MED28: variants seen among roughly 807,000 people sequenced by gnomAD.
MED28 encodes mediator complex subunit 28.
Under a neutral mutation model 21.3 loss-of-function variants are expected in MED28, and 26 were observed. The ratio of observed to expected loss-of-function variants is 1.22; its 90% CI spans 0.89 to 1.69. The LOEUF (loss-of-function observed/expected upper bound fraction) is 1.69, where lower values mean the gene tolerates loss of function less well. Among genes scored for constraint, MED28 ranks in the 40% most tolerant of loss-of-function variants. The probability of loss-of-function intolerance (pLI) is 0.00; values close to 1 mark genes in which losing one functional copy is unlikely to be tolerated. For synonymous variants in MED28, 110 were observed against 87.6 expected (o/e 1.26, Z -1.43); for missense variants, 257 against 215.4 (o/e 1.19, Z -1.21).
chr4:17,616,735 T>C (rs1441585711), intron 1 of MED28, among the ~76,000 whole-genome samples: 2 of 152,182 alleles, frequency 1.3e-5, no homozygotes, highest in Admixed American at 6.5e-5. Context: ...ACTACCTGTT[T>C]TGTACCCCCA....
rs753695583 is a variant in MED28, at chr4:17,614,643, G to A, written c.-12G>A. On this transcript the variant is annotated 5_prime_UTR_variant, in exon 1 of 4. Transcript: ENST00000237380. ...CGCAGGCGCAGTGGATCTCTCTTGC[G>A]CCATTCCAAACATGGCGGCTCCACT... 1 of 1,604,610 alleles carries A rather than the reference G, an allele frequency of 6.2e-7. No individual in the cohort carries two copies. The highest frequency in any genetic ancestry group is 8.5e-7 in the Non-Finnish European group (1 of 1,176,122).
In MED28 at chr4:17,631,907, C is replaced by A. The variant is rs377546752; in HGVS notation, c.*8109C>A. 2.6e-5 allele frequency: 4 copies of A among 152,184 alleles called. No homozygotes were observed. Among genetic ancestry groups the A allele is most frequent in the African/African-American group, 9.6e-5 (4 of 41,500 alleles). 9.4% of individuals were successfully genotyped at this position (152,184 alleles called of 1,614,324 possible). The stretch of plus-strand genomic sequence containing the variant: ...AAGTACAACCACTTTTGAAATAGAT[C>A]ATGGAAATCACAAAGTCTGATGTTC... On this transcript the variant is annotated 3_prime_UTR_variant, in exon 4 of 4. Coordinates refer to ENST00000237380, the MANE Select transcript of MED28 (RefSeq NM_025205.5).
At chr4:17,615,524 C>T (rs1342548516) in intron 1 of MED28, among the ~76,000 whole-genome samples, 1 of 152,054 alleles carries the variant, frequency 6.6e-6, no homozygotes, top group African/African-American at 2.4e-5. Context: ...TTTTAAATCC[C>T]AGTTTTGCCG....
In MED28 at chr4:17,628,619, C is replaced by A. The variant is rs4698635; in HGVS notation, c.*4821C>A. ...GCTTTGGCTGAAGGCATTCACACCCCCCAGTGAATGTCTTGCACTTCTAAT... is the reference window on the plus strand; with the variant it reads ...GCTTTGGCTGAAGGCATTCACACCCACCAGTGAATGTCTTGCACTTCTAAT... On this transcript the variant is annotated 3_prime_UTR_variant, in exon 4 of 4. Coordinates refer to ENST00000237380, the MANE Select transcript of MED28 (RefSeq NM_025205.5). 0.58 allele frequency: 87,924 copies of A among 151,810 alleles called. 26,460 individuals are homozygous for A. The highest frequency in any genetic ancestry group is 0.88 in the East Asian group (4,522 of 5,142). 9.4% of individuals were successfully genotyped at this position (151,810 alleles called of 1,614,324 possible). A position where few individuals can be genotyped will look rare whatever the true frequency, so the allele number is the denominator to read the frequency against.
chr4:17,619,795 G>A, intron 1 of MED28, 106 bp from the exon 2 acceptor site: 1 of 910,280 alleles, frequency 1.1e-6, no homozygotes, highest in Non-Finnish European at 1.8e-6. Context: ...AAACACAGAT[G>A]CTGCCACCTC....
chr4:17,632,710 T>A lies in MED28; in HGVS notation c.*8912T>A. On this transcript the variant is annotated 3_prime_UTR_variant, in exon 4 of 4. Transcript: ENST00000237380. ...TACCCACCATCTTTTCAGGGAAAGA[T>A]AACTGCTTGTTTACTCTTCAAAAAC... The A allele has an allele frequency of 1.1e-6, 1 of 903,984 alleles. No homozygotes were observed. The highest frequency in any genetic ancestry group is 1.7e-6 in the Non-Finnish European group (1 of 582,502). 56.0% of individuals were successfully genotyped at this position (903,984 alleles called of 1,614,324 possible). A position where few individuals can be genotyped will look rare whatever the true frequency, so the allele number is the denominator to read the frequency against.
rs1456725179 is a variant in MED28 at position 17,630,488 on chromosome 4, C to T, written c.*6690C>T. 1.3e-5 allele frequency: 2 copies of T among 152,276 alleles called. No individual in the cohort carries two copies. The highest frequency in any genetic ancestry group is 3.9e-4 in the East Asian group (2 of 5,182). 9.4% of individuals were successfully genotyped at this position (152,276 alleles called of 1,614,324 possible). A position where few individuals can be genotyped will look rare whatever the true frequency, so the allele number is the denominator to read the frequency against. On this transcript the variant is annotated 3_prime_UTR_variant, in exon 4 of 4. Transcript: ENST00000237380. ...TGAAGAATGGGCCCTCCCCAGACTC[C>T]ATATCTGCTGGTGCCTTGATCTTGG...
At chr4:17,622,920 A>G (rs1714677083) in intron 3 of MED28, among the ~76,000 whole-genome samples, 1 of 152,190 alleles carries the variant, frequency 6.6e-6, no homozygotes. Context: ...TACCAGGAGA[A>G]CAGCATGGGA....
Position 17,630,965 on chromosome 4 carries a change from G to A in MED28, c.*7167G>A, listed in dbSNP as rs775090613. 4 of 152,144 alleles carry A rather than the reference G, an allele frequency of 2.6e-5. No individual in the cohort carries two copies. Among genetic ancestry groups the A allele is most frequent in the Non-Finnish European group, 5.9e-5 (4 of 68,022 alleles). 9.4% of individuals were successfully genotyped at this position (152,144 alleles called of 1,614,324 possible). A position where few individuals can be genotyped will look rare whatever the true frequency, so the allele number is the denominator to read the frequency against. On this transcript the variant is annotated 3_prime_UTR_variant, in exon 4 of 4. Transcript: ENST00000237380. ...CAATGCATAGAATTAACATTGGTTTGTGGGCCACCTTCTGGGCCAGCACCA... is the reference window on the plus strand; with the variant it reads ...CAATGCATAGAATTAACATTGGTTTATGGGCCACCTTCTGGGCCAGCACCA...
At chr4:17,620,298 A>G (rs903602145) in intron 2 of MED28, among the ~76,000 whole-genome samples, 29 of 151,724 alleles carry the variant, frequency 1.9e-4, no homozygotes, top group African/African-American at 6.8e-4. Context: ...TTATTCCCCA[A>G]GTTCTGTCCC....
In MED28 at chr4:17,621,619, A is replaced by G; in HGVS notation, c.259A>G (p.Ile87Val). 3.1e-6 allele frequency: 5 copies of G among 1,607,844 alleles called. No individual in the cohort carries two copies. The highest frequency in any genetic ancestry group is 4.2e-6 in the Non-Finnish European group (5 of 1,178,582). Residue 87 changes from isoleucine (I) to valine (V), a missense_variant, in exon 3 of 4, where the codon ATT (isoleucine) becomes GTT (valine). By Grantham distance (29) the Ile-to-Val change is conservative. Coordinates refer to ENST00000237380, the MANE Select transcript of MED28 (RefSeq NM_025205.5). ...TCAGTGTATCCAGAAGTTTCTGGAT[A>G]TTGCAAGACAGACAGAATGTTTTTT... ...VDQCIQKFLD[I>V]ARQTECFFLQ...
At position 17,629,796 on chromosome 4, in the gene MED28, G is replaced by A. The variant is rs1161205659; in HGVS notation, c.*5998G>A. On this transcript the variant is annotated 3_prime_UTR_variant, in exon 4 of 4. Transcript: ENST00000237380. ...AATAGAATGTTTTATCTATCAAATT[G>A]TATTTCTTTGTCAATAGTGTTAGGG... The A allele has an allele frequency of 6.6e-6, 1 of 152,112 alleles. No individual in the cohort carries two copies. The highest frequency in any genetic ancestry group is 6.5e-5 in the Admixed American group (1 of 15,270). The allele number at this position is 152,112 out of a possible 1,614,324, so 9.4% of individuals were successfully genotyped here. A position where few individuals can be genotyped will look rare whatever the true frequency, so the allele number is the denominator to read the frequency against.
In MED28 at chr4:17,627,963, GCT is replaced by G. The variant is rs1714811096; in HGVS notation, c.*4168_*4169del. 1 of 152,170 alleles carries G rather than the reference GCT, an allele frequency of 6.6e-6. No homozygotes were observed. Among genetic ancestry groups the G allele is most frequent in the Non-Finnish European group, 1.5e-5 (1 of 68,064 alleles). The allele number at this position is 152,170 out of a possible 1,614,324, so 9.4% of individuals were successfully genotyped here. On this transcript the variant is annotated 3_prime_UTR_variant, in exon 4 of 4. Transcript: ENST00000237380. ...CCCACCTGTCAGACCTACATCATAG[GCT>G]CTTCCTGTCTTCTGTTTCCTCTCCC... is the stretch of plus-strand genomic sequence containing the variant.
rs553782107 is a variant in MED28 at position 17,633,963 on chromosome 4, A to G, written c.*10165A>G. ...TAAAGCATTATTGTAAAAGCAAATA[A>G]TGCTCACCCAATCAAAATTGTATCG... is the stretch of plus-strand genomic sequence containing the variant. On this transcript the variant is annotated 3_prime_UTR_variant, in exon 4 of 4. Transcript: ENST00000237380. 3.2e-5 allele frequency: 37 copies of G among 1,169,740 alleles called. 1 individual carries two copies. In the South Asian group the frequency reaches 7.8e-4, roughly 25 times the overall value. The allele number at this position is 1,169,740 out of a possible 1,614,324, so 72.5% of individuals were successfully genotyped here. A position where few individuals can be genotyped will look rare whatever the true frequency, so the allele number is the denominator to read the frequency against.
In MED28 at chr4:17,623,865, G is replaced by A; in HGVS notation, c.*67G>A. On this transcript the variant is annotated 3_prime_UTR_variant, in exon 4 of 4. Coordinates refer to ENST00000237380, the MANE Select transcript of MED28 (RefSeq NM_025205.5). Reference sequence around the variant, plus strand: ...TGAGGTTGGCCACACATTCCTTCCTGTGGACTTGACATTTTGGAAGAACTC... The same window carrying A: ...TGAGGTTGGCCACACATTCCTTCCTATGGACTTGACATTTTGGAAGAACTC... 1.3e-6 allele frequency: 2 copies of A among 1,506,888 alleles called. No homozygotes were observed. Among genetic ancestry groups the A allele is most frequent in the Non-Finnish European group, 1.8e-6 (2 of 1,106,210 alleles). The allele number at this position is 1,506,888 out of a possible 1,614,324, so 93.3% of individuals were successfully genotyped here.
rs375971125 is a variant in MED28 at position 17,619,884 on chromosome 4, A to G, written c.160-17A>G. 255 of 1,610,810 alleles carry G rather than the reference A, an allele frequency of 1.6e-4. 5 individuals are homozygous for G. The highest frequency in any genetic ancestry group is 1.5e-3 in the South Asian group (135 of 90,958). The stretch of plus-strand genomic sequence containing the variant: ...TATAAATGATATTTTTTTCTTTCCT[A>G]TGTTTTGATTACACAGGCTTGCTTT... On this transcript the variant is annotated splice_polypyrimidine_tract_variant and intron_variant, in intron 1 of 3. Transcript: ENST00000237380.
Position 17,622,255 on chromosome 4 carries a change from T to G in MED28, c.339+556T>G, listed in dbSNP as rs564697199. On this transcript the variant is annotated intron_variant, in intron 3 of 3. Transcript: ENST00000237380. Reference sequence around the variant, plus strand: ...ACCTGCCCCATGTGATGTGGAAGAGTGAAGAATCATCCTGCCCAAAAAGCC... The same window carrying G: ...ACCTGCCCCATGTGATGTGGAAGAGGGAAGAATCATCCTGCCCAAAAAGCC... Among the ~76,000 whole-genome samples the G allele has an allele frequency of 2.6e-5, 4 of 152,114 alleles. No homozygotes were observed. The East Asian group carries it at 7.7e-4, about 29-fold the overall frequency.
At chr4:17,622,608 AT>A (rs1714668694) in intron 3 of MED28, among the ~76,000 whole-genome samples, 1 of 152,134 alleles carries the variant, frequency 6.6e-6, no homozygotes, top group Non-Finnish European at 1.5e-5. Flanking sequence ...AATGTTTCAG[AT>A]TTTCAGTGTT....
intron 3 of MED28, 152 bp from the exon 4 acceptor site, chr4:17,623,449 G>A: frequency 1.4e-6 from 1 of 700,310 alleles, no homozygotes; most frequent in East Asian, 2.8e-5. Context: ...TCTGTCATCT[G>A]GGTTAATCAA....
Sources: gnomAD v4.1 joint callset for allele counts (sites outside exome capture counted in the v4.1 genomes callset) on GRCh38, gnomAD v4.1.1 for gene constraint, MANE v1.5 for transcripts, NCBI Gene and HGNC (gene_info 2026-07-23, HGNC 2026-07-21) for gene names.